Variants in ELP3 observed in about 807,000 individuals in gnomAD.
The protein encoded by ELP3 is elongator complex protein 3.
In ELP3, 56 loss-of-function variants were observed where a neutral mutation model predicts 74.9. That is an observed-to-expected ratio of 0.75 (90% CI 0.60 to 0.93). The LOEUF is 0.93. Ranked by LOEUF, ELP3 falls within the 40% of genes least tolerant of loss-of-function variation. The pLI, the probability that ELP3 is intolerant of heterozygous loss-of-function variation, is 0.00. For synonymous variants in ELP3, 222 were observed against 239.8 expected (o/e 0.93, Z 0.68); for missense variants, 573 against 686.5 (o/e 0.83, Z 1.85).
rs35715715 is a variant in ELP3, at chr8:28,182,611, C to CT, written c.1568-7030dup. On this transcript the variant is annotated intron_variant, in intron 14 of 14. Transcript: ENST00000256398. Reference sequence around the variant, plus strand: ...TGGGTTTGTTCTCCACCCACCCCCCCTTTTTTTTGGCCTTTGGTTAGTCTA... The same window carrying CT: ...TGGGTTTGTTCTCCACCCACCCCCCCTTTTTTTTTGGCCTTTGGTTAGTCTA... Among the ~76,000 whole-genome samples the CT allele has an allele frequency of 6.6e-5, 10 of 151,446 alleles. No homozygotes were observed. In the South Asian group the frequency reaches 8.4e-4, roughly 13 times the overall value.
At chr8:28,143,298 A>G (rs561240162) in intron 10 of ELP3, among the ~76,000 whole-genome samples, 1 of 152,170 alleles carries the variant, frequency 6.6e-6, no homozygotes, top group African/African-American at 2.4e-5. Flanking sequence ...CTCCCCCCCA[A>G]CAGTCTGTAG....
chr8:28,112,817 C>T, intron 6 of ELP3: 1 of 382,910 alleles, frequency 2.6e-6, no homozygotes, highest in Non-Finnish European at 4.6e-6. Flanking sequence ...TTCTCATTCT[C>T]CCTCCTTATT....
intron 7 of ELP3, among the ~76,000 whole-genome samples, chr8:28,121,615 C>T (rs928785141): frequency 3.9e-5 from 6 of 151,958 alleles, no homozygotes; most frequent in East Asian, 1.9e-4. Context: ...CCACCACGCC[C>T]GGCCATAAAT....
chr8:28,120,998 A>G (rs1812344071), intron 7 of ELP3, among the ~76,000 whole-genome samples: 1 of 152,196 alleles, frequency 6.6e-6, no homozygotes, highest in South Asian at 2.1e-4. Flanking sequence ...GTTTTTCAAA[A>G]TTGCTTTAGA....
At chr8:28,102,706 T>G (rs1340091523) in intron 3 of ELP3, among the ~76,000 whole-genome samples, 2 of 152,244 alleles carry the variant, frequency 1.3e-5, no homozygotes, top group African/African-American at 2.4e-5. Flanking sequence ...CTTGCATTGT[T>G]TGGTACATTT....
chr8:28,173,584 A>C (rs1296472131), intron 14 of ELP3, among the ~76,000 whole-genome samples: 3 of 145,970 alleles, frequency 2.1e-5, no homozygotes, highest in Non-Finnish European at 3.0e-5. Flanking sequence ...TCTTCACTCT[A>C]ATCTATTATT....
chr8:28,126,613 A>G (rs1402917503), intron 7 of ELP3, among the ~76,000 whole-genome samples: 3 of 152,308 alleles, frequency 2.0e-5, no homozygotes, highest in East Asian at 3.9e-4. Flanking sequence ...CCAAAGAGGT[A>G]TGGGAGTTGA....
intron 14 of ELP3, among the ~76,000 whole-genome samples, chr8:28,177,549 T>C (rs535392154): frequency 6.6e-6 from 1 of 152,384 alleles, no homozygotes; most frequent in African/African-American, 2.4e-5. Context: ...TTCTTTTAAT[T>C]AAACAATCAT....
intron 10 of ELP3, among the ~76,000 whole-genome samples, chr8:28,145,710 G>A (rs1563272088): frequency 1.3e-5 from 2 of 152,166 alleles, no homozygotes; most frequent in Non-Finnish European, 2.9e-5. Context: ...TGCAACCTCC[G>A]CCTCACAGGT....
chr8:28,174,208 C>A (rs1814649436), intron 14 of ELP3, among the ~76,000 whole-genome samples: 1 of 151,962 alleles, frequency 6.6e-6, no homozygotes, highest in African/African-American at 2.4e-5. Context: ...GTATCCAAGT[C>A]TTAATGTAGA....
At chr8:28,178,288 G>A (rs899127826) in intron 14 of ELP3, among the ~76,000 whole-genome samples, 4 of 152,180 alleles carry the variant, frequency 2.6e-5, no homozygotes, top group African/African-American at 4.8e-5. Flanking sequence ...ATACACATTC[G>A]GACCATCGCA....
At position 28,189,997 on chromosome 8, in the gene ELP3, C is replaced by CT. The variant is rs1216330532; in HGVS notation, c.*273dup. 2.9e-6 allele frequency: 1 copy of CT among 342,426 alleles called. No homozygotes were observed. The highest frequency in any genetic ancestry group is 5.4e-6 in the Non-Finnish European group (1 of 186,548). 21.2% of individuals were successfully genotyped at this position (342,426 alleles called of 1,614,324 possible). ...CCAGTTTCTACATTTTGCATGAGGC[C>CT]TGCAGGTGGCCTATTTTGACTCAGA... On this transcript the variant is annotated 3_prime_UTR_variant, in exon 15 of 15. Transcript: ENST00000256398.
intron 14 of ELP3, among the ~76,000 whole-genome samples, chr8:28,180,220 C>T (rs1241887303): frequency 6.7e-6 from 1 of 148,748 alleles, no homozygotes; most frequent in East Asian, 1.9e-4. Context: ...CATATTGACT[C>T]TATCCCATTC....
intron 10 of ELP3, among the ~76,000 whole-genome samples, chr8:28,146,257 T>C (rs7003418): frequency 0.6 from 90,945 of 152,078 alleles, 28,598 homozygotes; most frequent in East Asian, 0.92. Context: ...GATGGAGCCA[T>C]ATTAAACTGT....
In ELP3 at chr8:28,188,114, T is replaced by G. The variant is rs540226389; in HGVS notation, c.1568-1535T>G. The stretch of plus-strand genomic sequence containing the variant: ...GGGAGGGAAGGACGGAGGGAGTGCC[T>G]GTGGCAGGTGCTGCTGATCGCTCTC... On this transcript the variant is annotated intron_variant, in intron 14 of 14. Transcript: ENST00000256398. Among the ~76,000 whole-genome samples, 3 of 152,220 alleles carry G rather than the reference T, an allele frequency of 2.0e-5. No individual in the cohort carries two copies. The East Asian group carries it at 5.8e-4, about 29-fold the overall frequency.
At chr8:28,163,447 A>C (rs1814181105) in intron 14 of ELP3, among the ~76,000 whole-genome samples, 1 of 152,080 alleles carries the variant, frequency 6.6e-6, no homozygotes, top group Non-Finnish European at 1.5e-5. Flanking sequence ...TAATTATGAA[A>C]ATGTAATGAC....
intron 14 of ELP3, among the ~76,000 whole-genome samples, chr8:28,169,823 C>A (rs555546742): frequency 6.6e-6 from 1 of 152,274 alleles, no homozygotes; most frequent in South Asian, 2.1e-4. Flanking sequence ...GGATCCCCTC[C>A]CAAGTTCACT....
intron 5 of ELP3, among the ~76,000 whole-genome samples, chr8:28,108,457 C>CT (rs33948469): frequency 0.5 from 59,238 of 117,600 alleles, 16,485 homozygotes; most frequent in East Asian, 0.88. Flanking sequence ...ATTTTTTTTT[C>CT]TTTTTTTTTT....
At chr8:28,107,402 A>G (rs957079502) in intron 4 of ELP3, among the ~76,000 whole-genome samples, 1 of 152,256 alleles carries the variant, frequency 6.6e-6, no homozygotes, top group African/African-American at 2.4e-5. Context: ...ACATGGGAAT[A>G]TGAGCTGCCT....
Sources: allele counts gnomAD v4.1 joint callset (sites outside exome capture counted in the v4.1 genomes callset), GRCh38; gene constraint gnomAD v4.1.1; transcripts MANE v1.5; gene names NCBI Gene and HGNC (gene_info 2026-07-23, HGNC 2026-07-21).